Variants in RFFL observed in about 807,000 individuals in gnomAD.
RFFL encodes E3 ubiquitin-protein ligase rififylin.
RFFL carries 16 observed loss-of-function variants against 40.4 expected under a neutral mutation model. The observed-to-expected ratio is 0.40, with a 90% CI of 0.27 to 0.60. The LOEUF (loss-of-function observed/expected upper bound fraction) is 0.60, where lower values mean the gene tolerates loss of function less well. Among genes scored for constraint, RFFL ranks in the 20% least tolerant of loss-of-function variants. The pLI, the probability that RFFL is intolerant of heterozygous loss-of-function variation, is 0.47. For missense variants in RFFL, 367 were observed against 451.7 expected (o/e 0.81, Z 1.70); for synonymous variants, 154 against 167.9 (o/e 0.92, Z 0.64).
At chr17:35,088,001 G>GTA (rs2091439371) in intron 1 of RFFL, among the ~76,000 whole-genome samples, 1 of 152,160 alleles carries the variant, frequency 6.6e-6, no homozygotes, top group Non-Finnish European at 1.5e-5. Context: ...TAGAAGAATG[G>GTA]TATAATAAAC....
At chr17:35,081,936 GA>G (rs2091404762) in intron 1 of RFFL, among the ~76,000 whole-genome samples, 1 of 152,084 alleles carries the variant, frequency 6.6e-6, no homozygotes, top group Non-Finnish European at 1.5e-5. Flanking sequence ...CAATATGAAA[GA>G]AATTAGTCTG....
At chr17:35,075,785 G>A (rs889455826) in intron 1 of RFFL, among the ~76,000 whole-genome samples, 1 of 151,904 alleles carries the variant, frequency 6.6e-6, no homozygotes, top group Non-Finnish European at 1.5e-5. Flanking sequence ...ATTCACAAAA[G>A]GCTTCTAAAA....
At chr17:35,061,723 C>G (rs2091292467) in intron 1 of RFFL, among the ~76,000 whole-genome samples, 1 of 146,990 alleles carries the variant, frequency 6.8e-6, no homozygotes, top group South Asian at 2.2e-4. Context: ...CACTGTTGCT[C>G]AGGCTGGAGT....
Position 35,008,741 on chromosome 17 carries a change from C to T in RFFL, c.*3227G>A, listed in dbSNP as rs1407368849. 2 of 152,194 alleles carry T rather than the reference C, an allele frequency of 1.3e-5. No individual in the cohort carries two copies. Among genetic ancestry groups the T allele is most frequent in the African/African-American group, 4.8e-5 (2 of 41,438 alleles). 9.4% of individuals were successfully genotyped at this position (152,194 alleles called of 1,614,324 possible). A position where few individuals can be genotyped will look rare whatever the true frequency, so the allele number is the denominator to read the frequency against. On this transcript the variant is annotated 3_prime_UTR_variant, in exon 7 of 7. Coordinates refer to ENST00000394597, the MANE Select transcript of RFFL (RefSeq NM_001017368.2). Reference sequence around the variant, plus strand: ...CCGCCTCCCGGGTTCACACCATTCTCCTGCCTCAGCCTCCCGAGTAGCTGG... The same window carrying T: ...CCGCCTCCCGGGTTCACACCATTCTTCTGCCTCAGCCTCCCGAGTAGCTGG...
intron 1 of RFFL, among the ~76,000 whole-genome samples, chr17:35,040,651 A>G (rs1464761893): frequency 2.0e-5 from 3 of 151,728 alleles, no homozygotes; most frequent in African/African-American, 7.3e-5. Flanking sequence ...TCTTAAATCA[A>G]AGATGCATAA....
chr17:35,075,781 A>C (rs1049373702), intron 1 of RFFL, among the ~76,000 whole-genome samples: 3 of 152,174 alleles, frequency 2.0e-5, no homozygotes, highest in African/African-American at 7.2e-5. Flanking sequence ...GACTATTCAC[A>C]AAAGGCTTCT....
At chr17:35,056,812 T>C (rs2091264134) in intron 1 of RFFL, among the ~76,000 whole-genome samples, 1 of 152,200 alleles carries the variant, frequency 6.6e-6, no homozygotes. Flanking sequence ...GACTCTCTAT[T>C]CTCTACAGAG....
At chr17:35,056,375 C>CTTTTTT (rs71147455) in intron 1 of RFFL, among the ~76,000 whole-genome samples, 1 of 120,722 alleles carries the variant, frequency 8.3e-6, no homozygotes, top group Non-Finnish European at 1.7e-5. Context: ...TTTACTTCTA[C>CTTTTTT]TTTTTTTTTT....
chr17:35,029,816 T>C (rs1173234789), intron 1 of RFFL, among the ~76,000 whole-genome samples: 1 of 151,044 alleles, frequency 6.6e-6, no homozygotes, highest in Admixed American at 6.6e-5. Context: ...GCATTAGGTA[T>C]ATCTCCTAAT....
intron 1 of RFFL, among the ~76,000 whole-genome samples, chr17:35,034,092 G>T (rs140707949): frequency 6.6e-6 from 1 of 150,394 alleles, no homozygotes; most frequent in Non-Finnish European, 1.5e-5. Context: ...GCAGTGAGCC[G>T]AGATCGCACC....
At chr17:35,055,671 C>CAA (rs1475235052) in intron 1 of RFFL, among the ~76,000 whole-genome samples, 12 of 125,950 alleles carry the variant, frequency 9.5e-5, no homozygotes, top group African/African-American at 3.9e-4. Flanking sequence ...AACTCCATCT[C>CAA]AAAAAAAAAC....
At position 35,011,774 on chromosome 17, in the gene RFFL, T is replaced by C; in HGVS notation, c.*194A>G. The C allele has an allele frequency of 3.4e-6, 2 of 591,426 alleles. No individual in the cohort carries two copies. Among genetic ancestry groups the C allele is most frequent in the South Asian group, 4.0e-5 (2 of 49,858 alleles). The allele number at this position is 591,426 out of a possible 1,614,324, so 36.6% of individuals were successfully genotyped here. On this transcript the variant is annotated 3_prime_UTR_variant, in exon 7 of 7. Transcript: ENST00000394597. ...TGATTTATACAAGTTCCCACTGGCC[T>C]TGGGCTTTGCCAGCCAAGAGGTACA...
upstream of RFFL, among the ~76,000 whole-genome samples, chr17:35,065,771 T>C (rs1225315259): frequency 2.0e-5 from 3 of 152,298 alleles, no homozygotes; most frequent in East Asian, 3.9e-4. Context: ...CCCCAAATTA[T>C]AGCCACACTC....
intron 1 of RFFL, chr17:35,076,679 A>AAATAATAATAATAATAATAATAATAAT (rs60726343): frequency 1.5e-5 from 2 of 137,196 alleles, no homozygotes; most frequent in Non-Finnish European, 3.1e-5. Flanking sequence ...ACTCCGTCTC[A>AAATAATAATAATAATAATAATAATAAT]AATAATAATA....
At chr17:35,039,033 C>G (rs143016499) in intron 1 of RFFL, among the ~76,000 whole-genome samples, 4 of 152,118 alleles carry the variant, frequency 2.6e-5, no homozygotes, top group Admixed American at 2.0e-4. Context: ...CACAGCATGC[C>G]GAGTAGCTGG....
At chr17:35,015,468 C>T (rs764211041) in intron 5 of RFFL, among the ~76,000 whole-genome samples, 14 of 152,188 alleles carry the variant, frequency 9.2e-5, no homozygotes, top group Non-Finnish European at 1.5e-4. Flanking sequence ...CAGGTCCTGA[C>T]GACTGGAGAG....
At chr17:35,061,821 T>C (rs1227720641) in intron 1 of RFFL, among the ~76,000 whole-genome samples, 1 of 151,856 alleles carries the variant, frequency 6.6e-6, no homozygotes. Context: ...ACTGGGATTA[T>C]AGGCACGTGC....
intron 1 of RFFL, among the ~76,000 whole-genome samples, chr17:35,071,357 CCT>C (rs2091349696): frequency 6.6e-6 from 1 of 152,028 alleles, no homozygotes; most frequent in Admixed American, 6.6e-5. Context: ...GTGGCTCACC[CCT>C]GTCATGCCAG....
In RFFL at chr17:35,014,752, C is replaced by T. The variant is rs1354808886; in HGVS notation, c.898G>A (p.Glu300Lys). ...KGLQHLVSGA[E>K]DQNGGAVPSG... Reference sequence around the variant, plus strand: ...AACAACTACATACCGTTTTGGTCTTCGGCACCACTGACTGAAAAGGAAAGA... The same window carrying T: ...AACAACTACATACCGTTTTGGTCTTTGGCACCACTGACTGAAAAGGAAAGA... The change falls in exon 6 of 7, where the codon GAA becomes AAA. Residue 300 changes from glutamate to lysine, a missense_variant. By Grantham distance (56) the Glu-to-Lys change is moderately conservative (BLOSUM62 1). Transcript: ENST00000394597. 6 of 1,613,580 alleles carry T rather than the reference C, an allele frequency of 3.7e-6. 1 individual carries two copies. The highest frequency in any genetic ancestry group is 4.5e-5 in the East Asian group (2 of 44,890).
Sources: gnomAD v4.1 joint callset for allele counts (sites outside exome capture counted in the v4.1 genomes callset) on GRCh38, gnomAD v4.1.1 for gene constraint, MANE v1.5 for transcripts, NCBI Gene and HGNC (gene_info 2026-07-23, HGNC 2026-07-21) for gene names.